KCTD16: variants seen among roughly 807,000 people sequenced by gnomAD.
The protein encoded by KCTD16 is potassium channel tetramerization domain containing 16.
A neutral mutation model predicts 33.2 loss-of-function variants in KCTD16; 13 were observed. The ratio of observed to expected loss-of-function variants is 0.39; its 90% CI spans 0.25 to 0.62. The LOEUF (loss-of-function observed/expected upper bound fraction) is 0.62. KCTD16 is among the 20% of genes least tolerant of loss of function. The pLI is 0.50. For synonymous variants in KCTD16, 197 were observed against 195.3 expected (o/e 1.01, Z -0.07); for missense variants, 441 against 525.1 (o/e 0.84, Z 1.57).
chr5:144,469,245 T>C (rs113508025), intron 3 of KCTD16, among the ~76,000 whole-genome samples: 35 of 152,320 alleles, frequency 2.3e-4, no homozygotes, highest in African/African-American at 7.9e-4. Flanking sequence ...AAGACTCCTT[T>C]TTTTCCAAAA....
chr5:144,324,305 C>T (rs541587922), intron 3 of KCTD16, among the ~76,000 whole-genome samples: 1 of 152,110 alleles, frequency 6.6e-6, no homozygotes, highest in Non-Finnish European at 1.5e-5. Context: ...CCAGCAGTAA[C>T]CAGTCAAATG....
chr5:144,366,236 A>G (rs1406536178), intron 3 of KCTD16, among the ~76,000 whole-genome samples: 2 of 152,188 alleles, frequency 1.3e-5, no homozygotes, highest in Non-Finnish European at 2.9e-5. Context: ...AACACCTGCA[A>G]TCTCAAGTAC....
At chr5:144,214,316 T>G (rs1753493695) in intron 3 of KCTD16, among the ~76,000 whole-genome samples, 1 of 152,120 alleles carries the variant, frequency 6.6e-6, no homozygotes, top group Admixed American at 6.5e-5. Flanking sequence ...GCTTAAATTG[T>G]TCTCCCCCTC....
intron 3 of KCTD16, among the ~76,000 whole-genome samples, chr5:144,379,563 C>T (rs1489408269): frequency 4.6e-5 from 7 of 152,114 alleles, no homozygotes; most frequent in Non-Finnish European, 1.0e-4. Context: ...GGGCATGTTC[C>T]AGTCCTAAAT....
intron 3 of KCTD16, among the ~76,000 whole-genome samples, chr5:144,262,718 A>T (rs765834759): frequency 3.9e-5 from 6 of 152,164 alleles, no homozygotes; most frequent in Admixed American, 6.5e-5. Context: ...TATATTACTG[A>T]TCAGTTAATA....
At chr5:144,233,011 T>C (rs532219253) in intron 3 of KCTD16, among the ~76,000 whole-genome samples, 27 of 152,142 alleles carry the variant, frequency 1.8e-4, no homozygotes, top group Non-Finnish European at 3.1e-4. Context: ...ACATCCTCTA[T>C]TGATTCATCA....
At chr5:144,279,497 C>CA (rs1451856025) in intron 3 of KCTD16, among the ~76,000 whole-genome samples, 2 of 152,306 alleles carry the variant, frequency 1.3e-5, no homozygotes, top group Admixed American at 1.3e-4. Context: ...GCTGCTAAGA[C>CA]AAAATACCAC....
At chr5:144,448,935 A>G (rs1753881785) in intron 3 of KCTD16, among the ~76,000 whole-genome samples, 1 of 152,068 alleles carries the variant, frequency 6.6e-6, no homozygotes, top group Admixed American at 6.6e-5. Flanking sequence ...TAAAAATGAC[A>G]TCATAGATTC....
At chr5:144,208,723 G>A (rs2126791506) in intron 3 of KCTD16, among the ~76,000 whole-genome samples, 1 of 152,302 alleles carries the variant, frequency 6.6e-6, no homozygotes, top group East Asian at 1.9e-4. Flanking sequence ...TGGTAGAGAG[G>A]CTAGTGGGAA....
chr5:144,417,238 G>C (rs1295332939), intron 3 of KCTD16, among the ~76,000 whole-genome samples: 1 of 151,990 alleles, frequency 6.6e-6, no homozygotes, highest in Non-Finnish European at 1.5e-5. Context: ...TCACCAATGT[G>C]GAGAGTTCTA....
At chr5:144,281,177 G>T (rs562078021) in intron 3 of KCTD16, among the ~76,000 whole-genome samples, 2 of 152,284 alleles carry the variant, frequency 1.3e-5, no homozygotes, top group African/African-American at 4.8e-5. Flanking sequence ...CCGAGACTCC[G>T]TCTCAAAAAA....
At chr5:144,219,567 C>G (rs1753674213) in intron 3 of KCTD16, among the ~76,000 whole-genome samples, 1 of 134,684 alleles carries the variant, frequency 7.4e-6, no homozygotes, top group Admixed American at 8.5e-5. Flanking sequence ...GTCTCGCAGG[C>G]TGGAGTGCAA....
chr5:144,235,379 T>C (rs1162587183), intron 3 of KCTD16, among the ~76,000 whole-genome samples: 1 of 151,922 alleles, frequency 6.6e-6, no homozygotes, highest in African/African-American at 2.4e-5. Context: ...TTTGAATGAG[T>C]TTGCTGAGCT....
At chr5:144,396,897 A>G (rs913672314) in intron 3 of KCTD16, among the ~76,000 whole-genome samples, 1 of 133,598 alleles carries the variant, frequency 7.5e-6, no homozygotes, top group Non-Finnish European at 1.5e-5. Context: ...AGCATTGCTG[A>G]ATTCACTTTA....
At position 144,346,903 on chromosome 5, in the gene KCTD16, G is replaced by C. The variant is rs138106661; in HGVS notation, c.833-126757G>C. 2.8e-3 allele frequency among the ~76,000 whole-genome samples: 432 copies of C among 151,798 alleles called. 1 individual carries two copies. Among genetic ancestry groups the C allele is most frequent in the Non-Finnish European group, 4.6e-3 (311 of 67,952 alleles). On this transcript the variant is annotated intron_variant, in intron 3 of 3. Coordinates refer to ENST00000512467, the MANE Select transcript of KCTD16 (RefSeq NM_020768.4). ...ATGTTTGCTTTGGTTTCCTATGCTTGTTTCCATACTCAAGAAATCTTTGCC... is the reference window on the plus strand; with the variant it reads ...ATGTTTGCTTTGGTTTCCTATGCTTCTTTCCATACTCAAGAAATCTTTGCC...
chr5:144,461,099 C>A (rs1012131489), intron 3 of KCTD16, among the ~76,000 whole-genome samples: 1 of 152,064 alleles, frequency 6.6e-6, no homozygotes, highest in Non-Finnish European at 1.5e-5. Flanking sequence ...AAATTTCTTA[C>A]AAAAAATGTA....
intron 3 of KCTD16, among the ~76,000 whole-genome samples, chr5:144,219,517 T>TTTTTTTTC: frequency 7.4e-6 from 1 of 134,370 alleles, no homozygotes; most frequent in Non-Finnish European, 1.6e-5. Context: ...CTGGGCCTTT[T>TTTTTTTTC]TTTTTTTTTT....
At chr5:144,331,307 C>T (rs781000286) in intron 3 of KCTD16, among the ~76,000 whole-genome samples, 50 of 152,268 alleles carry the variant, frequency 3.3e-4, no homozygotes, top group Non-Finnish European at 5.9e-4. Context: ...AATCAGACCT[C>T]AAGGCACAGC....
chr5:144,415,650 G>A (rs1290496299), intron 3 of KCTD16, among the ~76,000 whole-genome samples: 1 of 152,154 alleles, frequency 6.6e-6, no homozygotes, highest in African/African-American at 2.4e-5. Context: ...CTTTGATTTT[G>A]AGCAAATTTC....
Sources: allele counts gnomAD v4.1 joint callset (sites outside exome capture counted in the v4.1 genomes callset), GRCh38; gene constraint gnomAD v4.1.1; transcripts MANE v1.5; gene names NCBI Gene and HGNC (gene_info 2026-07-23, HGNC 2026-07-21).